The following ARHGEF9 variants were observed in gnomAD, a reference collection of about 807,000 sequenced individuals.
The protein encoded by ARHGEF9 is rho guanine nucleotide exchange factor 9.
ARHGEF9 carries 2 observed loss-of-function variants against 41.3 expected under a neutral mutation model. The ratio of observed to expected loss-of-function variants is 0.05; its 90% CI spans 0.02 to 0.15. ARHGEF9 has a LOEUF of 0.15. Among genes scored for constraint, ARHGEF9 ranks in the 10% least tolerant of loss-of-function variants. The probability of loss-of-function intolerance (pLI) is 1.00; values close to 1 mark genes in which losing one functional copy is unlikely to be tolerated. For synonymous variants in ARHGEF9, 160 were observed against 154.4 expected, an observed-to-expected ratio of 1.04 and a Z score of -0.27; for missense variants, 225 against 424.7, an observed-to-expected ratio of 0.53 and a Z score of 4.13.
intron 6 of ARHGEF9, among the ~76,000 whole-genome samples, chrX:63,670,545 AAAGATT>A (rs2147289406): frequency 9.0e-6 from 1 of 111,210 alleles, no homozygotes; most frequent in African/African-American, 3.3e-5. Context: ...AGAAAAAAAA[AAAGATT>A]AAAAAGAAGC....
intron 1 of ARHGEF9, chrX:63,724,935 T>C: frequency 2.3e-6 from 1 of 431,528 alleles, no homozygotes; most frequent in Non-Finnish European, 4.1e-6. Context: ...AATATGAATA[T>C]GTACTACATA....
chrX:63,660,506 C>T (rs1200806822), intron 7 of ARHGEF9, among the ~76,000 whole-genome samples: 5 of 111,041 alleles, frequency 4.5e-5, no homozygotes, highest in African/African-American at 6.6e-5. Context: ...AATTTACCTA[C>T]GTAACAAATT....
intron 5 of ARHGEF9, among the ~76,000 whole-genome samples, chrX:63,674,665 A>T (rs1355104097): frequency 9.0e-6 from 1 of 111,583 alleles, no homozygotes; most frequent in Admixed American, 9.5e-5. Flanking sequence ...ATATCCCCTG[A>T]GTCTGCTTTC....
chrX:63,667,166 C>G (rs782175924), intron 6 of ARHGEF9, among the ~76,000 whole-genome samples: 1 of 111,663 alleles, frequency 9.0e-6, no homozygotes, highest in Admixed American at 9.5e-5. Context: ...TCAGACAGTG[C>G]GCCAGATATT....
chrX:63,719,898 T>C, intron 2 of ARHGEF9: 2 of 290,597 alleles, frequency 6.9e-6, no homozygotes, highest in Non-Finnish European at 6.0e-6. Context: ...TCATGCCCAC[T>C]TGGGACAAGG....
chrX:63,643,900 C>G (rs1486327818), intron 9 of ARHGEF9, 80 bp downstream of exon 9: 198 of 1,068,367 alleles, frequency 1.9e-4, no homozygotes, highest in Non-Finnish European at 2.3e-4. Context: ...AACCTCAGCA[C>G]AGAAATGGGC....
intron 1 of ARHGEF9, among the ~76,000 whole-genome samples, chrX:63,746,307 C>G (rs782674222): frequency 8.9e-6 from 1 of 112,399 alleles, no homozygotes; most frequent in African/African-American, 3.2e-5. Flanking sequence ...AAGAGAAAAA[C>G]TGGCCTGAAC....
intron 2 of ARHGEF9, among the ~76,000 whole-genome samples, chrX:63,724,048 C>G (rs2053809271): frequency 8.9e-6 from 1 of 111,757 alleles, no homozygotes; most frequent in African/African-American, 3.3e-5. Context: ...AGTGACAACA[C>G]ACAGGGGTGT....
At chrX:63,748,271 C>G (rs1397120720) in intron 1 of ARHGEF9, among the ~76,000 whole-genome samples, 1 of 111,729 alleles carries the variant, frequency 9.0e-6, no homozygotes, top group Non-Finnish European at 1.9e-5. Context: ...TTCTTTGAAT[C>G]AACGACTCGA....
At chrX:63,690,124 G>A (rs1386561992) in intron 4 of ARHGEF9, among the ~76,000 whole-genome samples, 1 of 111,266 alleles carries the variant, frequency 9.0e-6, no homozygotes, top group Non-Finnish European at 1.9e-5. Context: ...CCCAAAGCTA[G>A]TAGAAGGAAA....
intron 1 of ARHGEF9, among the ~76,000 whole-genome samples, chrX:63,767,642 T>C (rs1556452482): frequency 8.9e-5 from 10 of 112,303 alleles, no homozygotes; most frequent in Non-Finnish European, 1.9e-5. Context: ...GAAGATTGTA[T>C]TAGATACACA....
intron 1 of ARHGEF9, chrX:63,755,309 C>G (rs1307569372): frequency 1.2e-6 from 1 of 825,413 alleles, no homozygotes; most frequent in African/African-American, 2.1e-5. Context: ...CTCAAGGCTC[C>G]CAAGCAAGCT....
In ARHGEF9 at chrX:63,722,683, T is replaced by A. The variant is rs1473296063; in HGVS notation, c.210+1849A>T. The A allele has an allele frequency of 1.5e-4, 17 of 111,819 alleles. No individual in the cohort carries two copies. In the Admixed American group the frequency reaches 1.6e-3, roughly 11 times the overall value. The allele number at this position is 111,819 out of a possible 1,213,427, so 9.2% of individuals were successfully genotyped here. ...AACATTTCCTTGAAAATGAAATGCATTTGGATTTGGGTGACATCATCATTT... is the reference window on the plus strand; with the variant it reads ...AACATTTCCTTGAAAATGAAATGCAATTGGATTTGGGTGACATCATCATTT... On this transcript the variant is annotated intron_variant, in intron 2 of 9. Transcript: ENST00000671741.
intron 1 of ARHGEF9, among the ~76,000 whole-genome samples, chrX:63,726,015 T>C (rs2053940908): frequency 1.8e-5 from 2 of 112,219 alleles, no homozygotes; most frequent in Non-Finnish European, 3.8e-5. Context: ...TCAAAATAAA[T>C]GCACAACACA....
At chrX:63,677,175 A>C (rs1368797085) in intron 5 of ARHGEF9, among the ~76,000 whole-genome samples, 1 of 112,129 alleles carries the variant, frequency 8.9e-6, no homozygotes, top group African/African-American at 3.2e-5. Context: ...CAAAGCCCTC[A>C]GATGAGGTCT....
chrX:63,775,398 T>C (rs1309713975), intron 1 of ARHGEF9, among the ~76,000 whole-genome samples: 1 of 112,534 alleles, frequency 8.9e-6, no homozygotes, highest in African/African-American at 3.2e-5. Context: ...ACAGCACTAT[T>C]CACAATAGCG....
intron 1 of ARHGEF9, among the ~76,000 whole-genome samples, chrX:63,730,871 A>G (rs781976903): frequency 8.9e-6 from 1 of 111,964 alleles, no homozygotes; most frequent in Non-Finnish European, 1.9e-5. Flanking sequence ...AGGCTGTGTT[A>G]ACACAGGAAA....
At chrX:63,747,076 AC>A (rs781981471) in intron 1 of ARHGEF9, among the ~76,000 whole-genome samples, 2 of 112,702 alleles carry the variant, frequency 1.8e-5, no homozygotes, top group South Asian at 7.4e-4. Flanking sequence ...TCTCTGGATT[AC>A]CTGCTAGATT....
At chrX:63,705,419 G>A (rs1335560165) in intron 3 of ARHGEF9, among the ~76,000 whole-genome samples, 1 of 102,000 alleles carries the variant, frequency 9.8e-6, no homozygotes, top group African/African-American at 3.5e-5. Context: ...CTTTTAAAAC[G>A]CTGCCTTCAT....
Sources: allele counts gnomAD v4.1 joint callset (sites outside exome capture counted in the v4.1 genomes callset), GRCh38; gene constraint gnomAD v4.1.1; transcripts MANE v1.5; gene names NCBI Gene and HGNC (gene_info 2026-07-23, HGNC 2026-07-21).